The following CHD9 variants were observed in gnomAD, a reference collection of about 807,000 sequenced individuals.
CHD9 encodes the protein ATP-dependent chromatin remodeler CHD9.
CHD9 carries 77 observed loss-of-function variants against 316.1 expected under a neutral mutation model. The observed-to-expected ratio is 0.24, with a 90% CI of 0.20 to 0.29. The LOEUF (loss-of-function observed/expected upper bound fraction) is 0.29. CHD9 is among the 10% of genes least tolerant of loss of function. The pLI is 1.00. For missense variants in CHD9, 2,763 were observed against 3,438.1 expected (o/e 0.80, Z 4.91); for synonymous variants, 1,129 against 1,158.3 (o/e 0.97, Z 0.51).
chr16:53,308,742 T>C lies in CHD9; in HGVS notation c.7110T>C (p.Phe2370=). The change falls in exon 34 of 39, where the codon TTT becomes TTC. Residue 2370 remains phenylalanine, a synonymous_variant. Transcript: ENST00000447540. Reference sequence around the variant, plus strand: ...AAGGGCTTGCTCAGAAAAGACCATTTGATGGTGAAGACGGTGCTCTGGGGC... The same window carrying C: ...AAGGGCTTGCTCAGAAAAGACCATTCGATGGTGAAGACGGTGCTCTGGGGC... ...QKQGLAQKRP[F]DGEDGALGQQ... The C allele has an allele frequency of 1.2e-6, 2 of 1,613,526 alleles. No individual in the cohort carries two copies. Among genetic ancestry groups the C allele is most frequent in the Non-Finnish European group, 1.7e-6 (2 of 1,179,648 alleles).
chr16:53,156,800 T>C lies in CHD9; in HGVS notation c.711T>C (p.Pro237=). 6.2e-7 allele frequency: 1 copy of C among 1,613,864 alleles called. No individual in the cohort carries two copies. The highest frequency in any genetic ancestry group is 1.1e-5 in the South Asian group (1 of 91,076). Residue 237 remains proline, a synonymous_variant, in exon 2 of 39, where the codon CCT becomes CCC. Transcript: ENST00000447540. ...SMQQFSQTSN[P]SAHFHKCSSH... is the part of the protein sequence containing the mutation. ...AGCAATTTTCTCAAACGTCAAATCC[T>C]TCAGCACACTTCCACAAGTGTAGCA... is the stretch of plus-strand genomic sequence containing the variant.
chr16:53,106,815 A>G (rs2037396729), intron 1 of CHD9, among the ~76,000 whole-genome samples: 1 of 152,230 alleles, frequency 6.6e-6, no homozygotes. Flanking sequence ...CCTTGAAAAC[A>G]TTTAGAAGAG....
At chr16:53,117,527 G>T (rs898803540) in intron 1 of CHD9, among the ~76,000 whole-genome samples, 6 of 151,916 alleles carry the variant, frequency 3.9e-5, no homozygotes, top group African/African-American at 9.7e-5. Context: ...TGATTCTCTT[G>T]CCTCAGCCTC....
intron 20 of CHD9, 76 bp from the exon 21 acceptor site, chr16:53,267,218 T>C: frequency 1.1e-6 from 1 of 885,134 alleles, no homozygotes; most frequent in South Asian, 2.6e-5. Flanking sequence ...ATTGTTTGTA[T>C]AAGGTAAAAA....
chr16:53,055,071 A>T lies in CHD9; in HGVS notation c.-171A>T, dbSNP rs546150735. 96 of 152,488 alleles carry T rather than the reference A, an allele frequency of 6.3e-4. No homozygotes were observed. The highest frequency in any genetic ancestry group is 2.2e-3 in the African/African-American group (91 of 41,592). The allele number at this position is 152,488 out of a possible 1,614,324, so 9.4% of individuals were successfully genotyped here. ...CCGGGGACTGGAGGGCAGCGCCGGC[A>T]GCCAAGGTAGGATTCCTGAGCCCCG... On this transcript the variant is annotated 5_prime_UTR_variant, in exon 1 of 39. Transcript: ENST00000447540.
chr16:53,318,694 A>G (rs1206627792), intron 37 of CHD9, among the ~76,000 whole-genome samples: 1 of 152,178 alleles, frequency 6.6e-6, no homozygotes, highest in Non-Finnish European at 1.5e-5. Flanking sequence ...TTTGGTAGCC[A>G]CAAGGAGAAG....
chr16:53,166,519 T>C (rs1320487458), intron 2 of CHD9, among the ~76,000 whole-genome samples: 2 of 152,178 alleles, frequency 1.3e-5, no homozygotes, highest in Non-Finnish European at 2.9e-5. Context: ...TTATTTATCA[T>C]TATTGATACA....
intron 1 of CHD9, among the ~76,000 whole-genome samples, chr16:53,073,635 G>A (rs910481420): frequency 1.3e-5 from 2 of 152,184 alleles, no homozygotes. Flanking sequence ...ATCATGGGAT[G>A]GTTTCCTCAG....
intron 1 of CHD9, among the ~76,000 whole-genome samples, chr16:53,107,280 C>T (rs931041492): frequency 7.3e-5 from 11 of 151,556 alleles, no homozygotes; most frequent in South Asian, 2.1e-4. Flanking sequence ...ACCAATATGG[C>T]GAAACCCCGT....
chr16:53,187,063 C>A (rs771934999), intron 2 of CHD9, among the ~76,000 whole-genome samples: 2 of 152,044 alleles, frequency 1.3e-5, no homozygotes, highest in Non-Finnish European at 2.9e-5. Flanking sequence ...TGAAATGGAA[C>A]AAAACAGAGT....
At chr16:53,207,785 GA>G (rs1478221497) in intron 2 of CHD9, among the ~76,000 whole-genome samples, 1 of 150,586 alleles carries the variant, frequency 6.6e-6, no homozygotes, top group African/African-American at 2.4e-5. Context: ...GTTCTCAGGT[GA>G]TTTTTTTTTT....
chr16:53,215,828 A>G (rs1420337167), intron 3 of CHD9, among the ~76,000 whole-genome samples: 1 of 152,182 alleles, frequency 6.6e-6, no homozygotes, highest in Non-Finnish European at 1.5e-5. Flanking sequence ...AAGTGCATAA[A>G]TTACATCTGA....
chr16:53,315,632 C>T (rs975755370), intron 36 of CHD9, among the ~76,000 whole-genome samples: 4 of 152,080 alleles, frequency 2.6e-5, no homozygotes, highest in Non-Finnish European at 4.4e-5. Flanking sequence ...GTGCACACCA[C>T]CATGCCCAGC....
At chr16:53,055,499 C>G (rs1034147921) in intron 1 of CHD9, among the ~76,000 whole-genome samples, 1 of 151,646 alleles carries the variant, frequency 6.6e-6, no homozygotes, top group Non-Finnish European at 1.5e-5. Flanking sequence ...CCCCCGCCCC[C>G]CCCCAGAGAC....
At chr16:53,292,564 G>A (rs1249181394) in intron 28 of CHD9, among the ~76,000 whole-genome samples, 1 of 151,968 alleles carries the variant, frequency 6.6e-6, no homozygotes, top group Non-Finnish European at 1.5e-5. Flanking sequence ...TTGAGTATTT[G>A]CCAGCCAGTG....
intron 1 of CHD9, among the ~76,000 whole-genome samples, chr16:53,122,811 A>G (rs947148595): frequency 7.0e-4 from 106 of 151,420 alleles, no homozygotes; most frequent in Non-Finnish European, 1.2e-3. Flanking sequence ...GGTTCATGCC[A>G]TTCTCCTGCC....
chr16:53,224,218 G>A (rs554175679), intron 4 of CHD9, among the ~76,000 whole-genome samples: 1 of 152,236 alleles, frequency 6.6e-6, no homozygotes, highest in African/African-American at 2.4e-5. Flanking sequence ...ATTTTAAGTT[G>A]TGCTTTAAAA....
intron 1 of CHD9, among the ~76,000 whole-genome samples, chr16:53,055,500 C>T (rs535079836): frequency 2.6e-5 from 4 of 151,652 alleles, no homozygotes; most frequent in Admixed American, 6.6e-5. Context: ...CCCCGCCCCC[C>T]CCCAGAGACT....
chr16:53,192,225 G>T (rs1273381259), intron 2 of CHD9, among the ~76,000 whole-genome samples: 1 of 152,216 alleles, frequency 6.6e-6, no homozygotes, highest in Non-Finnish European at 1.5e-5. Context: ...ATTATAGAAA[G>T]AAGTCTAATT....
Sources: gnomAD v4.1 joint callset for allele counts (sites outside exome capture counted in the v4.1 genomes callset) on GRCh38, gnomAD v4.1.1 for gene constraint, MANE v1.5 for transcripts, NCBI Gene and HGNC (gene_info 2026-07-23, HGNC 2026-07-21) for gene names.